The following OSBPL8 variants were observed in gnomAD, a reference collection of about 807,000 sequenced individuals.
OSBPL8 encodes oxysterol binding protein like 8, also known as oxysterol-binding protein-related protein 8.
OSBPL8 carries 59 observed loss-of-function variants against 125.5 expected under a neutral mutation model. The ratio of observed to expected loss-of-function variants is 0.47; its 90% CI spans 0.38 to 0.58. The LOEUF (loss-of-function observed/expected upper bound fraction) is 0.58, where lower values mean the gene tolerates loss of function less well. Ranked by LOEUF, OSBPL8 falls within the 20% of genes least tolerant of loss-of-function variation. OSBPL8 has a pLI of 0.00. For synonymous variants in OSBPL8, 330 were observed against 338.9 expected (o/e 0.97, Z 0.29); for missense variants, 758 against 1,047.8 (o/e 0.72, Z 3.82).
intron 5 of OSBPL8, among the ~76,000 whole-genome samples, chr12:76,406,927 T>C (rs1194153639): frequency 6.6e-6 from 1 of 152,146 alleles, no homozygotes; most frequent in Admixed American, 6.5e-5. Flanking sequence ...TATTTTTAAA[T>C]AATGTCTTGG....
chr12:76,367,921 T>C (rs1310024697), intron 21 of OSBPL8, among the ~76,000 whole-genome samples: 1 of 152,246 alleles, frequency 6.6e-6, no homozygotes, highest in Admixed American at 6.5e-5. Flanking sequence ...AATTAAATTA[T>C]TTTTCATTCA....
intron 4 of OSBPL8, among the ~76,000 whole-genome samples, chr12:76,424,238 T>C (rs1869868446): frequency 6.6e-6 from 1 of 152,136 alleles, no homozygotes. Flanking sequence ...TGACCTCAGG[T>C]GATCCACCCA....
rs1951868284 is a variant in OSBPL8 at position 76,352,766 on chromosome 12, C to A, written c.*3123G>T. 6.6e-6 allele frequency: 1 copy of A among 152,412 alleles called. No homozygotes were observed. Among genetic ancestry groups the A allele is most frequent in the Admixed American group, 6.6e-5 (1 of 15,262 alleles). 9.4% of individuals were successfully genotyped at this position (152,412 alleles called of 1,614,324 possible). On this transcript the variant is annotated 3_prime_UTR_variant, in exon 24 of 24. Coordinates refer to ENST00000261183, the MANE Select transcript of OSBPL8 (RefSeq NM_020841.5). ...AAATGGAATTTTATACATTTGTTTTCTTAAATTTTGACAGATATTCTTCAG... is the reference window on the plus strand; with the variant it reads ...AAATGGAATTTTATACATTTGTTTTATTAAATTTTGACAGATATTCTTCAG...
At chr12:76,358,543 C>T (rs972538374) in intron 22 of OSBPL8, among the ~76,000 whole-genome samples, 163 bp downstream of exon 22, 2 of 152,172 alleles carry the variant, frequency 1.3e-5, no homozygotes, top group South Asian at 2.1e-4. Context: ...TACCTTGCGT[C>T]CTGGTCTCAC....
rs891821016 is a variant in OSBPL8, at chr12:76,355,321, T to C, written c.*568A>G. The C allele has an allele frequency of 3.2e-4, 49 of 152,458 alleles. No individual in the cohort carries two copies. Among genetic ancestry groups the C allele is most frequent in the Admixed American group, 3.2e-3 (49 of 15,272 alleles). 9.4% of individuals were successfully genotyped at this position (152,458 alleles called of 1,614,324 possible). ...ATTTATCTCTCTCGATGTATTCATT[T>C]TGACCATTCATACTTTTTCTTTCTT... On this transcript the variant is annotated 3_prime_UTR_variant, in exon 24 of 24. Coordinates refer to ENST00000261183, the MANE Select transcript of OSBPL8 (RefSeq NM_020841.5).
At chr12:76,512,240 CTGAG>C (rs1449931466) in intron 1 of OSBPL8, among the ~76,000 whole-genome samples, 2 of 152,114 alleles carry the variant, frequency 1.3e-5, no homozygotes, top group Non-Finnish European at 2.9e-5. Flanking sequence ...TTTTCTGTTC[CTGAG>C]TTAGTTTGCT....
intron 4 of OSBPL8, among the ~76,000 whole-genome samples, chr12:76,449,649 C>T (rs1012907302): frequency 3.3e-5 from 5 of 152,116 alleles, no homozygotes; most frequent in South Asian, 2.1e-4. Context: ...ACCTTTAGTA[C>T]GTAAGATTTT....
intron 15 of OSBPL8, among the ~76,000 whole-genome samples, chr12:76,379,849 T>C (rs1952969893): frequency 6.6e-6 from 1 of 152,186 alleles, no homozygotes; most frequent in Non-Finnish European, 1.5e-5. Context: ...TAGACATCTA[T>C]TTTCATTTTT....
In OSBPL8 at chr12:76,397,901, C is replaced by CTGT; in HGVS notation, c.469-5_469-4insACA. 1 of 1,610,470 alleles carries CTGT rather than the reference C, an allele frequency of 6.2e-7. No homozygotes were observed. The highest frequency in any genetic ancestry group is 8.5e-7 in the Non-Finnish European group (1 of 1,178,320). Reference sequence around the variant, plus strand: ...AGCTCTTTAGAGTACCACGAATCTACAGAAAGATAAATTTATTTTAAAAAG... The same window carrying CTGT: ...AGCTCTTTAGAGTACCACGAATCTACTGTAGAAAGATAAATTTATTTTAAAAAG... On this transcript the variant is annotated splice_polypyrimidine_tract_variant and splice_region_variant and intron_variant, in intron 7 of 23. Coordinates refer to ENST00000261183, the MANE Select transcript of OSBPL8 (RefSeq NM_020841.5).
chr12:76,547,527 A>C (rs1950814236), intron 1 of OSBPL8, among the ~76,000 whole-genome samples: 2 of 152,220 alleles, frequency 1.3e-5, no homozygotes, highest in African/African-American at 4.8e-5. Flanking sequence ...TTGCCAGGCA[A>C]TCTAAACTCA....
chr12:76,361,375 C>T (rs569627895), intron 21 of OSBPL8, among the ~76,000 whole-genome samples: 2 of 152,184 alleles, frequency 1.3e-5, no homozygotes, highest in African/African-American at 2.4e-5. Flanking sequence ...TTGTTTTTCA[C>T]ATCACTATCA....
chr12:76,542,031 C>A (rs1327373830), intron 1 of OSBPL8, among the ~76,000 whole-genome samples: 3 of 151,888 alleles, frequency 2.0e-5, no homozygotes, highest in Non-Finnish European at 4.4e-5. Flanking sequence ...ATTAGCCAGG[C>A]GTGGTGGCAC....
rs868765909 is a variant in OSBPL8 at position 76,499,528 on chromosome 12, G to C, written c.-67-11910C>G. Among the ~76,000 whole-genome samples, 3 of 151,944 alleles carry C rather than the reference G, an allele frequency of 2.0e-5. No homozygotes were observed. The South Asian group carries it at 6.2e-4, about 32-fold the overall frequency. ...TGGGATTACAGGCATGAACCAAAGT[G>C]CCCAGCCCAGTAAAAGCCTTTACTT... On this transcript the variant is annotated intron_variant, in intron 1 of 23. Coordinates refer to ENST00000261183, the MANE Select transcript of OSBPL8 (RefSeq NM_020841.5).
chr12:76,406,804 G>A (rs534024191), intron 5 of OSBPL8, among the ~76,000 whole-genome samples: 1 of 152,176 alleles, frequency 6.6e-6, no homozygotes, highest in East Asian at 1.9e-4. Context: ...GTAGAGTCAA[G>A]GTCTCGCTAG....
At chr12:76,407,214 C>T (rs1954298584) in intron 5 of OSBPL8, among the ~76,000 whole-genome samples, 1 of 152,180 alleles carries the variant, frequency 6.6e-6, no homozygotes, top group African/African-American at 2.4e-5. Flanking sequence ...TACAACTGTT[C>T]TGAAAAACAA....
chr12:76,498,572 C>CT (rs1219657971), intron 1 of OSBPL8, among the ~76,000 whole-genome samples: 2 of 152,124 alleles, frequency 1.3e-5, no homozygotes, highest in African/African-American at 2.4e-5. Context: ...CTTTTTAAAA[C>CT]AAAGAAATGT....
chr12:76,389,398 A>G (rs749872294), intron 12 of OSBPL8, among the ~76,000 whole-genome samples: 2 of 152,186 alleles, frequency 1.3e-5, no homozygotes. Context: ...AGTGTTGTTG[A>G]GTAAAGGGTA....
rs2136231040 is a variant in OSBPL8, at chr12:76,378,488, C to T, written c.1693G>A (p.Asp565Asn). 6.2e-7 allele frequency: 1 copy of T among 1,603,458 alleles called. No homozygotes were observed. Among genetic ancestry groups the T allele is most frequent in the South Asian group, 1.1e-5 (1 of 90,442 alleles). The part of the protein sequence containing the change: ...ARLTFLNRGE[D>N]YVMTMPYAHC... The stretch of plus-strand genomic sequence containing the variant: ...GCGTATGGCATTGTCATTACATAAT[C>T]TTCACCTCTATTCAAGAAAGTTAAC... Residue 565 changes from aspartate (D) to asparagine (N), a missense_variant, in exon 16 of 24, where the codon GAT (aspartate) becomes AAT (asparagine). Transcript: ENST00000261183.
intron 4 of OSBPL8, 123 bp downstream of exon 4, chr12:76,450,728 C>T (rs1873286026): frequency 2.1e-6 from 2 of 935,330 alleles, no homozygotes; most frequent in Middle Eastern, 2.4e-4. Context: ...AAACAAAACC[C>T]CTTACAAAAC....
Sources: gnomAD v4.1 joint callset for allele counts (sites outside exome capture counted in the v4.1 genomes callset) on GRCh38, gnomAD v4.1.1 for gene constraint, MANE v1.5 for transcripts, NCBI Gene and HGNC (gene_info 2026-07-23, HGNC 2026-07-21) for gene names.